Variants in TLK1 observed in about 807,000 individuals in gnomAD.
TLK1 encodes the protein tousled like kinase 1.
In TLK1, 24 loss-of-function variants were observed where a neutral mutation model predicts 105.3. The ratio of observed to expected loss-of-function variants is 0.23; its 90% confidence interval spans 0.17 to 0.32. The LOEUF (loss-of-function observed/expected upper bound fraction) is 0.32. TLK1 is among the 10% of genes least tolerant of loss of function. TLK1 has a pLI of 1.00. For synonymous variants in TLK1, 321 were observed against 310.4 expected, an observed-to-expected ratio of 1.03 and a Z score of -0.36; for missense variants, 558 against 910.5, an observed-to-expected ratio of 0.61 and a Z score of 4.98.
intron 1 of TLK1, among the ~76,000 whole-genome samples, chr2:171,209,409 G>A (rs942013096): frequency 6.6e-6 from 1 of 152,112 alleles, no homozygotes; most frequent in East Asian, 1.9e-4. Context: ...GCTAGATAGC[G>A]ATGAAAATTT....
intron 3 of TLK1, among the ~76,000 whole-genome samples, chr2:171,065,618 A>AGCTCT (rs1007975075): frequency 2.0e-5 from 3 of 151,968 alleles, no homozygotes; most frequent in Admixed American, 6.5e-5. Flanking sequence ...GCTCACTGCA[A>AGCTCT]GCTCTGCCTC....
chr2:171,133,414 T>C (rs2105561106), intron 1 of TLK1, among the ~76,000 whole-genome samples: 1 of 152,202 alleles, frequency 6.6e-6, no homozygotes, highest in African/African-American at 2.4e-5. Flanking sequence ...CTGGCCAACA[T>C]GGGGAAACCC....
chr2:171,097,790 C>T (rs980412672), intron 2 of TLK1, among the ~76,000 whole-genome samples: 7 of 151,840 alleles, frequency 4.6e-5, no homozygotes, highest in Admixed American at 6.6e-5. Context: ...TGGGTGTTGA[C>T]GGCGGGTGCC....
intron 14 of TLK1, 39 bp from the exon 15 acceptor site, chr2:171,007,102 A>C: frequency 6.6e-7 from 1 of 1,518,934 alleles, no homozygotes; most frequent in Non-Finnish European, 8.9e-7. Context: ...ATGAAAGACC[A>C]ATTGAATAGC....
At chr2:171,187,057 C>CAAAAAAAAA (rs71013019) in intron 1 of TLK1, among the ~76,000 whole-genome samples, 9 of 34,036 alleles carry the variant, frequency 2.6e-4, no homozygotes, top group African/African-American at 5.4e-4. Context: ...GACTCTGTCT[C>CAAAAAAAAA]AAAAAAAAAA....
intron 8 of TLK1, among the ~76,000 whole-genome samples, chr2:171,053,064 T>A (rs913397203): frequency 1.3e-5 from 2 of 152,200 alleles, no homozygotes; most frequent in Non-Finnish European, 2.9e-5. Context: ...CTTACATTCT[T>A]AAGTATACTT....
intron 11 of TLK1, among the ~76,000 whole-genome samples, chr2:171,043,685 G>T (rs1482997257): frequency 6.6e-6 from 1 of 152,144 alleles, no homozygotes; most frequent in African/African-American, 2.4e-5. Context: ...GACATATCTG[G>T]TATCTAGCAG....
chr2:171,081,816 T>A (rs1688765987), intron 3 of TLK1: 5 of 697,412 alleles, frequency 7.2e-6, no homozygotes, highest in Non-Finnish European at 2.2e-6. Context: ...GATTTCTAGA[T>A]GCTTTCAATA....
At chr2:171,182,247 G>A (rs1692940667) in intron 1 of TLK1, among the ~76,000 whole-genome samples, 1 of 152,202 alleles carries the variant, frequency 6.6e-6, no homozygotes, top group African/African-American at 2.4e-5. Flanking sequence ...AAAGTAGAAT[G>A]AGGAAGAGAA....
At chr2:170,996,355 A>T (rs1684062057) in intron 20 of TLK1, among the ~76,000 whole-genome samples, 1 of 152,234 alleles carries the variant, frequency 6.6e-6, no homozygotes, top group Non-Finnish European at 1.5e-5. Flanking sequence ...TAACATAAGC[A>T]GATAAAATAA....
rs1683866676 is a variant in TLK1 at position 170,993,258 on chromosome 2, A to AAACAC, written c.*517_*521dup. Reference sequence around the variant, plus strand: ...CTAACTCTCACATTCTATTACTATAAAACACAACTGTCACTGTCATTCAGT... The same window carrying AAACAC: ...CTAACTCTCACATTCTATTACTATAAAACACAACACAACTGTCACTGTCATTCAGT... On this transcript the variant is annotated 3_prime_UTR_variant, in exon 21 of 21. Coordinates refer to ENST00000431350, the MANE Select transcript of TLK1 (RefSeq NM_012290.5). 1 of 152,664 alleles carries AAACAC rather than the reference A, an allele frequency of 6.6e-6. No individual in the cohort carries two copies. The highest frequency in any genetic ancestry group is 1.5e-5 in the Non-Finnish European group (1 of 68,042). 9.5% of individuals were successfully genotyped at this position (152,664 alleles called of 1,614,324 possible).
At chr2:171,038,662 A>G (rs1178315291) in intron 11 of TLK1, among the ~76,000 whole-genome samples, 1 of 152,178 alleles carries the variant, frequency 6.6e-6, no homozygotes, top group Admixed American at 6.5e-5. Flanking sequence ...AATCATTTTC[A>G]TCCTGGAGTT....
At chr2:171,030,035 C>T (rs1232862976) in intron 11 of TLK1, among the ~76,000 whole-genome samples, 1 of 152,166 alleles carries the variant, frequency 6.6e-6, no homozygotes, top group Admixed American at 6.5e-5. Flanking sequence ...TGTGAGCCAC[C>T]ACAACCGGCC....
intron 11 of TLK1, among the ~76,000 whole-genome samples, chr2:171,036,208 G>T (rs1686325370): frequency 6.6e-6 from 1 of 152,178 alleles, no homozygotes; most frequent in African/African-American, 2.4e-5. Flanking sequence ...ACTTTGGGAG[G>T]CCAAGGCGGG....
Position 171,050,175 on chromosome 2 carries a change from C to T in TLK1, c.733-1G>A. The stretch of plus-strand genomic sequence containing the variant: ...TTTGCCGTCTGAGATCACAGTTAGC[C>T]TATGACATAAGTAGAAAATGCAAGA... On this transcript the variant is annotated splice_acceptor_variant, in intron 8 of 20. Transcript: ENST00000431350. LOFTEE classifies it high-confidence loss of function. The T allele has an allele frequency of 6.3e-7, 1 of 1,589,702 alleles. No individual in the cohort carries two copies.
intron 1 of TLK1, among the ~76,000 whole-genome samples, chr2:171,151,205 G>C (rs879535771): frequency 6.6e-6 from 1 of 151,876 alleles, no homozygotes; most frequent in African/African-American, 2.4e-5. Flanking sequence ...TTTTTGTAGA[G>C]ACAGGGTTTC....
chr2:171,045,226 CT>C (rs1686892190), intron 11 of TLK1: 2 of 69,820 alleles, frequency 2.9e-5, no homozygotes, highest in Admixed American at 5.2e-4. Context: ...CATGTATTTT[CT>C]CTTTTTTTTT....
intron 1 of TLK1, among the ~76,000 whole-genome samples, chr2:171,141,038 T>C (rs566796624): frequency 6.6e-6 from 1 of 152,224 alleles, no homozygotes; most frequent in East Asian, 1.9e-4. Context: ...GGAAGATTGG[T>C]CAGAAAAATA....
At chr2:171,021,423 C>T (rs1009233719) in intron 12 of TLK1, among the ~76,000 whole-genome samples, 10 of 149,496 alleles carry the variant, frequency 6.7e-5, no homozygotes, top group African/African-American at 2.2e-4. Flanking sequence ...TTCCTGCTTT[C>T]CCGCCCCGAC....
Sources: allele counts gnomAD v4.1 joint callset (sites outside exome capture counted in the v4.1 genomes callset), GRCh38; gene constraint gnomAD v4.1.1; transcripts MANE v1.5; gene names NCBI Gene and HGNC (gene_info 2026-07-23, HGNC 2026-07-21).